PGBD1: variants seen among roughly 807,000 people sequenced by gnomAD.
PGBD1 encodes piggyBac transposable element derived 1.
In PGBD1, 25 loss-of-function variants were observed where a neutral mutation model predicts 34.7. The ratio of observed to expected loss-of-function variants is 0.72; its 90% confidence interval spans 0.52 to 1.00. PGBD1 has a LOEUF of 1.00. PGBD1 is among the 50% of genes least tolerant of loss of function. PGBD1 has a pLI of 0.00. For missense variants in PGBD1, 830 were observed against 959.4 expected, an observed-to-expected ratio of 0.87 and a Z score of 1.78; for synonymous variants, 292 against 335.7, an observed-to-expected ratio of 0.87 and a Z score of 1.42.
intron 6 of PGBD1, 75 bp downstream of exon 6, chr6:28,298,066 G>T (rs770193070): frequency 1.6e-5 from 16 of 1,004,202 alleles, no homozygotes; most frequent in Non-Finnish European, 2.3e-5. Context: ...GAAACCAATT[G>T]GTCAAAGGCC....
At chr6:28,287,211 T>C (rs16901846) in intron 4 of PGBD1, 43 bp downstream of exon 4, 141,114 of 1,485,960 alleles carry the variant, frequency 0.095, 7,578 homozygotes, top group African/African-American at 0.15. Context: ...AGTAGTGGTC[T>C]TTCTCCCTCA....
chr6:28,302,024 A>G lies in PGBD1; in HGVS notation c.2170A>G (p.Ser724Gly). 6.2e-7 allele frequency: 1 copy of G among 1,614,212 alleles called. No homozygotes were observed. The highest frequency in any genetic ancestry group is 8.5e-7 in the Non-Finnish European group (1 of 1,180,040). ...TGATAACGAAGAAATCCCTCAGATA[A>G]GTCAACCATCCATAGTAAAAGTGTA... is the stretch of plus-strand genomic sequence containing the variant. ...DADNEEIPQI[S>G]QPSIVKVYDE... The change falls in exon 7 of 7, where the codon AGT becomes GGT. Residue 724 changes from serine to glycine, a missense_variant. By Grantham distance (56) the Ser-to-Gly change is moderately conservative. Coordinates refer to ENST00000682144, the MANE Select transcript of PGBD1 (RefSeq NM_032507.4).
rs781758578 is a variant in PGBD1, at chr6:28,300,706, T to C, written c.870-18T>C. 1 of 1,577,642 alleles carries C rather than the reference T, an allele frequency of 6.3e-7. No individual in the cohort carries two copies. The highest frequency in any genetic ancestry group is 8.6e-7 in the Non-Finnish European group (1 of 1,165,976). ...ATGATTGAGGATTTTTATAACATGT[T>C]CTTTTTTTCTTTCCCAGAGAGTGTG... On this transcript the variant is annotated intron_variant, in intron 6 of 6. Transcript: ENST00000682144. The surrounding 1 kb of genome is among the most constrained non-coding windows in gnomAD (Gnocchi z 4.0).
intron 2 of PGBD1, 114 bp from the exon 3 acceptor site, chr6:28,285,437 G>T (rs1195625813): frequency 3.5e-6 from 4 of 1,131,348 alleles, no homozygotes; most frequent in Non-Finnish European, 4.9e-6. Flanking sequence ...GGGATCCTTT[G>T]CCTGTCTTTT....
chr6:28,293,523 A>C (rs1285256974), intron 4 of PGBD1, among the ~76,000 whole-genome samples: 1 of 152,240 alleles, frequency 6.6e-6, no homozygotes, highest in Non-Finnish European at 1.5e-5. Context: ...GTGTGGAACA[A>C]GTCTGTCAGC....
chr6:28,284,649 G>A (rs980364886), intron 2 of PGBD1, among the ~76,000 whole-genome samples: 2 of 152,080 alleles, frequency 1.3e-5, no homozygotes, highest in African/African-American at 4.8e-5. Context: ...TGAGTAGATG[G>A]GACTACAGGT....
intron 4 of PGBD1, among the ~76,000 whole-genome samples, chr6:28,295,754 A>G (rs987291441): frequency 3.9e-5 from 6 of 152,340 alleles, no homozygotes; most frequent in Admixed American, 3.3e-4. Context: ...AAGCCAAGAA[A>G]TTTCTGTGAC....
At chr6:28,294,027 G>A (rs776975580) in intron 4 of PGBD1, among the ~76,000 whole-genome samples, 1 of 152,188 alleles carries the variant, frequency 6.6e-6, no homozygotes, top group Non-Finnish European at 1.5e-5. Flanking sequence ...TGCCAAACAG[G>A]CAGGTGGTGA....
In PGBD1 at chr6:28,302,002, T is replaced by C. The variant is rs368213423; in HGVS notation, c.2148T>C (p.Asp716=). ...PVNEVSCCDA[D]NEEIPQISQP... The stretch of plus-strand genomic sequence containing the variant: ...ATGAGGTAAGCTGTTGTGATGCTGA[T>C]AACGAAGAAATCCCTCAGATAAGTC... Residue 716 remains aspartate (D), a synonymous_variant, in exon 7 of 7, where the codon GAT becomes GAC. Coordinates refer to ENST00000682144, the MANE Select transcript of PGBD1 (RefSeq NM_032507.4). The C allele has an allele frequency of 3.1e-6, 5 of 1,614,042 alleles. No individual in the cohort carries two copies. The highest frequency in any genetic ancestry group is 4.2e-6 in the Non-Finnish European group (5 of 1,180,036).
At position 28,283,716 on chromosome 6, in the gene PGBD1, C is replaced by T. The variant is rs189086288; in HGVS notation, c.-38-60C>T. 37 of 1,436,332 alleles carry T rather than the reference C, an allele frequency of 2.6e-5. No homozygotes were observed. The African/African-American group carries it at 4.0e-4, about 15-fold the overall frequency. 89.0% of individuals were successfully genotyped at this position (1,436,332 alleles called of 1,614,324 possible). On this transcript the variant is annotated intron_variant, in intron 1 of 6. Transcript: ENST00000682144. ...GTAGGTTACATACAGTTTTGAAGCT[C>T]TTATAATTTGCATGTTGCTGATAAA... is the stretch of plus-strand genomic sequence containing the variant.
chr6:28,285,402 T>G, intron 2 of PGBD1, 149 bp from the exon 3 acceptor site: 1 of 710,502 alleles, frequency 1.4e-6, no homozygotes, highest in Non-Finnish European at 2.2e-6. Context: ...CATCCACTTG[T>G]TTGTTGTTTT....
In PGBD1 at chr6:28,301,869, G is replaced by C. The variant is rs758879797; in HGVS notation, c.2015G>C (p.Gly672Ala). ...GAACATATGAAAAAAATGAAGAGAG[G>C]GTATTTTGATTTCCGAATAGAAGAA... ...NVEHMKKMKR[G>A]YFDFRIEENN... The change falls in exon 7 of 7, where the codon GGG becomes GCG. Residue 672 changes from glycine to alanine, a missense_variant. Around this residue, in one of 3 missense-constraint regions of PGBD1, gnomAD observed 372 missense variants for 427.9 expected, o/e 0.87. Transcript: ENST00000682144. 8.1e-6 allele frequency: 13 copies of C among 1,613,768 alleles called. No homozygotes were observed. Among genetic ancestry groups the C allele is most frequent in the African/African-American group, 1.3e-5 (1 of 74,842 alleles).
chr6:28,297,832 T>TG, intron 5 of PGBD1, 63 bp from the exon 6 acceptor site: 2 of 309,750 alleles, frequency 6.5e-6, no homozygotes, highest in Non-Finnish European at 1.2e-5. Context: ...TTTTTTTTTT[T>TG]TTTTTTTTTT....
intron 4 of PGBD1, among the ~76,000 whole-genome samples, chr6:28,291,124 C>CAAAAAAAAAAAAAAAAAAACA (rs555039853): frequency 1.5e-5 from 1 of 68,474 alleles, no homozygotes; most frequent in Non-Finnish European, 3.1e-5. Flanking sequence ...AAATTGAGAC[C>CAAAAAAAAAAAAAAAAAAACA]AAAAAAAAAA....
At chr6:28,296,044 GA>G (rs1762620062) in intron 4 of PGBD1, among the ~76,000 whole-genome samples, 1 of 152,172 alleles carries the variant, frequency 6.6e-6, no homozygotes, top group South Asian at 2.1e-4. Context: ...AGAAAATCAA[GA>G]GGCTAATGAA....
At chr6:28,282,629 G>A (rs965196825) in intron 1 of PGBD1, among the ~76,000 whole-genome samples, 3 of 152,210 alleles carry the variant, frequency 2.0e-5, no homozygotes, top group African/African-American at 4.8e-5. Flanking sequence ...GTGTATAGAG[G>A]CTGTTTAAAA....
intron 4 of PGBD1, among the ~76,000 whole-genome samples, chr6:28,290,877 A>T (rs1218443645): frequency 6.6e-6 from 1 of 152,184 alleles, no homozygotes; most frequent in East Asian, 1.9e-4. Flanking sequence ...ATTAAGAAGG[A>T]AATGTAAAAA....
In PGBD1 at chr6:28,291,157, G is replaced by C. The variant is rs559770432; in HGVS notation, c.642+3989G>C. Among the ~76,000 whole-genome samples the C allele has an allele frequency of 1.0e-3, 134 of 130,978 alleles. 1 individual carries two copies. The highest frequency in any genetic ancestry group is 3.5e-3 in the African/African-American group (123 of 34,816). The allele number at this position is 130,978 out of a possible 152,430, so 85.9% of individuals were successfully genotyped here. On this transcript the variant is annotated intron_variant, in intron 4 of 6. Transcript: ENST00000682144. ...AAAAAAAAAAACCCAGAAGAACAATGAAACAAGAAGTTGGATTTTTTTTAA... is the reference window on the plus strand; with the variant it reads ...AAAAAAAAAAACCCAGAAGAACAATCAAACAAGAAGTTGGATTTTTTTTAA...
chr6:28,299,141 A>C (rs1762743709), intron 6 of PGBD1, among the ~76,000 whole-genome samples: 1 of 152,234 alleles, frequency 6.6e-6, no homozygotes, highest in Non-Finnish European at 1.5e-5. Context: ...AGAGTTATGC[A>C]ACTGGAGAAT....
Sources: allele counts gnomAD v4.1 joint callset (sites outside exome capture counted in the v4.1 genomes callset), GRCh38; gene constraint gnomAD v4.1.1; regional missense constraint gnomAD v4.1.1; non-coding constraint Gnocchi (gnomAD v3.1); transcripts MANE v1.5; gene names NCBI Gene and HGNC (gene_info 2026-07-23, HGNC 2026-07-21).